The following YAP1 variants were observed in gnomAD, a reference collection of about 807,000 sequenced individuals.
YAP1 encodes the protein transcriptional coactivator YAP1.
In YAP1, 5 loss-of-function variants were observed where a neutral mutation model predicts 56.9. The ratio of observed to expected loss-of-function variants is 0.09; its 90% CI spans 0.05 to 0.18. The LOEUF (loss-of-function observed/expected upper bound fraction) is 0.18, where lower values mean the gene tolerates loss of function less well. Among genes scored for constraint, YAP1 ranks in the 10% least tolerant of loss-of-function variants. YAP1 has a pLI of 1.00. For synonymous variants in YAP1, 265 were observed against 248.1 expected, an observed-to-expected ratio of 1.07 and a Z score of -0.64; for missense variants, 539 against 651.8, an observed-to-expected ratio of 0.83 and a Z score of 1.88.
At chr11:102,139,796 A>G (rs753228734) in intron 2 of YAP1, among the ~76,000 whole-genome samples, 2 of 152,152 alleles carry the variant, frequency 1.3e-5, no homozygotes. Flanking sequence ...TTTGAGGGGA[A>G]TTTGATTTTA....
chr11:102,160,872 T>C (rs561430867), intron 2 of YAP1, among the ~76,000 whole-genome samples: 9 of 152,166 alleles, frequency 5.9e-5, no homozygotes, highest in Non-Finnish European at 1.3e-4. Flanking sequence ...CTTCAGCTAC[T>C]CTGTGTTCAC....
chr11:102,130,933 T>C (rs1944338105), intron 2 of YAP1, among the ~76,000 whole-genome samples: 1 of 151,990 alleles, frequency 6.6e-6, no homozygotes, highest in Non-Finnish European at 1.5e-5. Flanking sequence ...TTCTTATGGG[T>C]GAGAAAATAG....
intron 2 of YAP1, among the ~76,000 whole-genome samples, chr11:102,143,020 T>G (rs947118176): frequency 6.6e-6 from 1 of 152,220 alleles, no homozygotes; most frequent in African/African-American, 2.4e-5. Flanking sequence ...ATTGGGGGCC[T>G]GCTTTGAAGA....
At chr11:102,183,822 A>G (rs960458906) in intron 3 of YAP1, among the ~76,000 whole-genome samples, 1 of 151,690 alleles carries the variant, frequency 6.6e-6, no homozygotes, top group Non-Finnish European at 1.5e-5. Flanking sequence ...CACGCCTGTA[A>G]TCCCAGCACT....
In YAP1 at chr11:102,136,667, C is replaced by T. The variant is rs34368116; in HGVS notation, c.572+22273C>T. ...TGCACCGGGCTCATTTTTCTATATT[C>T]GAAAAGTTTCATATATATGTCTTTA... On this transcript the variant is annotated intron_variant, in intron 2 of 8. Coordinates refer to ENST00000282441, the MANE Select transcript of YAP1 (RefSeq NM_001130145.3). 2.8e-3 allele frequency among the ~76,000 whole-genome samples: 433 copies of T among 152,108 alleles called. 2 individuals carry two copies. Among genetic ancestry groups the T allele is most frequent in the Non-Finnish European group, 4.5e-3 (304 of 67,968 alleles).
At chr11:102,181,371 G>A (rs1053595558) in intron 3 of YAP1, among the ~76,000 whole-genome samples, 7 of 151,348 alleles carry the variant, frequency 4.6e-5, no homozygotes, top group African/African-American at 4.9e-5. Flanking sequence ...GCGTGAACCC[G>A]GGAGGCGGAG....
At chr11:102,196,880 T>G (rs529152327) in intron 4 of YAP1, among the ~76,000 whole-genome samples, 19 of 152,184 alleles carry the variant, frequency 1.2e-4, no homozygotes, top group Non-Finnish European at 2.4e-4. Flanking sequence ...TTCCTTTTCT[T>G]TTGTAAAAGA....
At chr11:102,214,067 ACT>A (rs1949548181) in intron 6 of YAP1, among the ~76,000 whole-genome samples, 1 of 152,094 alleles carries the variant, frequency 6.6e-6, no homozygotes, top group Non-Finnish European at 1.5e-5. Context: ...ACAGAGTGAG[ACT>A]CTGCCTCAAA....
chr11:102,201,978 T>C (rs1044120254), intron 4 of YAP1, among the ~76,000 whole-genome samples: 6 of 151,054 alleles, frequency 4.0e-5, no homozygotes, highest in Non-Finnish European at 8.8e-5. Flanking sequence ...AACAAGGAAG[T>C]AGAACAAGCC....
intron 2 of YAP1, among the ~76,000 whole-genome samples, chr11:102,120,225 G>A (rs951175132): frequency 1.3e-5 from 2 of 152,196 alleles, no homozygotes; most frequent in Admixed American, 6.5e-5. Context: ...TTTTATTTAC[G>A]TAGGGCTTGA....
chr11:102,115,500 T>C (rs927884660), intron 2 of YAP1, among the ~76,000 whole-genome samples: 1 of 152,182 alleles, frequency 6.6e-6, no homozygotes, highest in Admixed American at 6.5e-5. Context: ...GAAAGTTTTG[T>C]GACAGACTTA....
At chr11:102,188,639 C>G (rs753026403) in intron 4 of YAP1, among the ~76,000 whole-genome samples, 4 of 117,940 alleles carry the variant, frequency 3.4e-5, no homozygotes, top group Non-Finnish European at 8.3e-5. Context: ...GTGTTCAGCA[C>G]ACTAACAGGC....
At chr11:102,139,548 A>G (rs1037675613) in intron 2 of YAP1, among the ~76,000 whole-genome samples, 1 of 152,190 alleles carries the variant, frequency 6.6e-6, no homozygotes, top group African/African-American at 2.4e-5. Context: ...GTTAACTGGT[A>G]GATTATTAAG....
intron 2 of YAP1, among the ~76,000 whole-genome samples, chr11:102,141,513 T>C (rs965131747): frequency 6.6e-6 from 1 of 152,156 alleles, no homozygotes; most frequent in African/African-American, 2.4e-5. Context: ...AAGCCCTAAG[T>C]AATGTAGCTT....
chr11:102,155,338 A>G (rs1474338285), intron 2 of YAP1, among the ~76,000 whole-genome samples: 1 of 152,206 alleles, frequency 6.6e-6, no homozygotes, highest in East Asian at 1.9e-4. Context: ...TATGGAAACC[A>G]TCTCATTATT....
intron 2 of YAP1, among the ~76,000 whole-genome samples, chr11:102,137,450 A>G (rs1944736273): frequency 6.6e-6 from 1 of 152,256 alleles, no homozygotes; most frequent in Admixed American, 6.5e-5. Context: ...TAACAAATTT[A>G]TCAAAATCAC....
chr11:102,136,214 C>G (rs541481004), intron 2 of YAP1, among the ~76,000 whole-genome samples: 172 of 152,242 alleles, frequency 1.1e-3, no homozygotes, highest in African/African-American at 3.9e-3. Context: ...ACATTTTGGT[C>G]ATTTATTTTA....
chr11:102,110,918 C>G lies in YAP1; in HGVS notation c.70C>G (p.Pro24Ala). The G allele has an allele frequency of 6.9e-7, 1 of 1,439,810 alleles. No individual in the cohort carries two copies. The highest frequency in any genetic ancestry group is 9.1e-7 in the Non-Finnish European group (1 of 1,097,794). The allele number at this position is 1,439,810 out of a possible 1,614,324, so 89.2% of individuals were successfully genotyped here. A position where few individuals can be genotyped will look rare whatever the true frequency, so the allele number is the denominator to read the frequency against. ...CCAAGGGCAGCCGCCTTCGCAGCCC[C>G]CGCAGGGGCAGGGCCCGCCGTCCGG... Reference protein sequence around the residue: ...QGQGQPPSQPPQGQGPPSGPG... With the variant: ...QGQGQPPSQPAQGQGPPSGPG... Residue 24 changes from proline to alanine, a missense_variant, in exon 1 of 9, where the codon CCG becomes GCG. Pro to Ala is a conservative substitution (Grantham distance 27). This residue lies in a region of YAP1 where 106 missense variants were observed against 86.6 expected (regional missense o/e 1.22). Coordinates refer to ENST00000282441, the MANE Select transcript of YAP1 (RefSeq NM_001130145.3).
chr11:102,161,175 C>T (rs1055790325), intron 2 of YAP1, among the ~76,000 whole-genome samples: 5 of 150,202 alleles, frequency 3.3e-5, no homozygotes, highest in African/African-American at 9.8e-5. Flanking sequence ...ATTCTCCTGC[C>T]TCAGCCTCCC....
Sources: allele counts gnomAD v4.1 joint callset (sites outside exome capture counted in the v4.1 genomes callset), GRCh38; gene constraint gnomAD v4.1.1; regional missense constraint gnomAD v4.1.1; transcripts MANE v1.5; gene names NCBI Gene and HGNC (gene_info 2026-07-23, HGNC 2026-07-21).